The following DHRSX variants were observed in gnomAD, a reference collection of about 807,000 sequenced individuals.
The protein encoded by DHRSX is polyprenol dehydrogenase.
DHRSX carries 31 observed loss-of-function variants against 34.0 expected under a neutral mutation model. That is an observed-to-expected ratio of 0.91 (90% CI 0.69 to 1.23). The LOEUF (loss-of-function observed/expected upper bound fraction) is 1.23. DHRSX is among the 50% of genes most tolerant of loss of function. DHRSX has a pLI of 0.00. For synonymous variants in DHRSX, 201 were observed against 183.8 expected (o/e 1.09, Z -0.76); for missense variants, 414 against 428.1 (o/e 0.97, Z 0.29).
chrX:2,463,779 C>T (rs1481686728), intron 1 of DHRSX, among the ~76,000 whole-genome samples: 1 of 151,126 alleles, frequency 6.6e-6, no homozygotes, highest in Non-Finnish European at 1.5e-5. Context: ...AGGGATTCCA[C>T]ATGAGAGTCA....
At chrX:2,466,021 GCA>G (rs1424622070) in intron 1 of DHRSX, among the ~76,000 whole-genome samples, 1 of 152,086 alleles carries the variant, frequency 6.6e-6, no homozygotes, top group East Asian at 1.9e-4. Flanking sequence ...CTGCTTTTAT[GCA>G]CATTGTTACA....
rs192099183 is a variant in DHRSX at position 2,283,070 on chromosome X, G to A, written c.388+8432C>T. On this transcript the variant is annotated intron_variant, in intron 4 of 6. Transcript: ENST00000334651. ...AGAGACAGAGAGTTACAGAAAGAGA[G>A]AGAGAGAGGAGAAAAGCATTTGAGT... Among the ~76,000 whole-genome samples the A allele has an allele frequency of 2.9e-3, 441 of 152,090 alleles. 9 individuals carry two copies. The highest frequency in any genetic ancestry group is 4.8e-3 in the Admixed American group (74 of 15,268).
intron 6 of DHRSX, among the ~76,000 whole-genome samples, chrX:2,238,883 C>G (rs181493323): frequency 7.9e-5 from 12 of 152,184 alleles, no homozygotes; most frequent in Admixed American, 3.3e-4. Context: ...CGGCACCCAG[C>G]TGATCTTCCA....
Position 2,221,184 on chromosome X carries a change from G to A in DHRSX, c.850C>T (p.Pro284Ser). The change falls in exon 7 of 7, where the codon CCA becomes TCA. Residue 284 changes from proline (P) to serine (S), a missense_variant. Pro to Ser is a moderately conservative substitution (Grantham distance 74, BLOSUM62 -1). Coordinates refer to ENST00000334651, the MANE Select transcript of DHRSX (RefSeq NM_145177.3). The stretch of plus-strand genomic sequence containing the variant: ...TGGCCACCAACTCCTTCCAGCTCTG[G>A]GGTGACTGCTGCGTAGATGGAAGTC... The part of the protein sequence containing the change: ...AWTSIYAAVT[P>S]ELEGVGGHYL... 6.2e-7 allele frequency: 1 copy of A among 1,613,868 alleles called. No homozygotes were observed. The highest frequency in any genetic ancestry group is 8.5e-7 in the Non-Finnish European group (1 of 1,179,836).
chrX:2,469,495 C>G (rs1040785432), intron 1 of DHRSX, among the ~76,000 whole-genome samples: 1 of 149,998 alleles, frequency 6.7e-6, no homozygotes, highest in African/African-American at 2.5e-5. Context: ...GCTCCCTAAG[C>G]ATGTGGCTAA....
intron 3 of DHRSX, among the ~76,000 whole-genome samples, chrX:2,323,589 C>G (rs1161394552): frequency 2.6e-5 from 4 of 152,070 alleles, no homozygotes; most frequent in Non-Finnish European, 5.9e-5. Context: ...AGAGGAAGAT[C>G]CCATCTCTAC....
intron 5 of DHRSX, among the ~76,000 whole-genome samples, chrX:2,251,743 G>C (rs1047802242): frequency 6.6e-5 from 10 of 152,162 alleles, no homozygotes; most frequent in Non-Finnish European, 1.5e-4. Flanking sequence ...ATTTCAAACA[G>C]ACCTGAGGTT....
chrX:2,252,921 G>A lies in DHRSX; in HGVS notation c.597-9691C>T, dbSNP rs1323626555. ...GGTATTAGGCCGGGAGTGGTGGCTC[G>A]CGCATGTAATCTGAGCACTTAGGGG... On this transcript the variant is annotated intron_variant, in intron 5 of 6. Transcript: ENST00000334651. 2.7e-5 allele frequency among the ~76,000 whole-genome samples: 4 copies of A among 150,518 alleles called. No individual in the cohort carries two copies. The East Asian group carries it at 5.8e-4, about 22-fold the overall frequency.
chrX:2,297,119 T>A (rs1376328582), intron 3 of DHRSX, among the ~76,000 whole-genome samples: 2 of 152,000 alleles, frequency 1.3e-5, no homozygotes, highest in South Asian at 2.1e-4. Context: ...CTTTCCTTTT[T>A]AAAATTATTT....
chrX:2,287,955 A>C (rs1286757052), intron 4 of DHRSX, among the ~76,000 whole-genome samples: 1 of 152,170 alleles, frequency 6.6e-6, no homozygotes, highest in Non-Finnish European at 1.5e-5. Flanking sequence ...CCATGTCCTC[A>C]TCTCTGGAAC....
chrX:2,300,209 A>G (rs1297711557), intron 3 of DHRSX, among the ~76,000 whole-genome samples: 1 of 152,122 alleles, frequency 6.6e-6, no homozygotes, highest in East Asian at 1.9e-4. Flanking sequence ...TTTTCTTTGC[A>G]ATAGATATAG....
At chrX:2,246,754 G>GAAAGAA (rs2016307163) in intron 5 of DHRSX, among the ~76,000 whole-genome samples, 7 of 136,950 alleles carry the variant, frequency 5.1e-5, no homozygotes, top group African/African-American at 1.9e-4. Context: ...GAAAGAAAAA[G>GAAAGAA]AAAGAAAATA....
intron 1 of DHRSX, among the ~76,000 whole-genome samples, chrX:2,435,861 T>C (rs894231981): frequency 6.6e-6 from 1 of 152,238 alleles, no homozygotes; most frequent in African/African-American, 2.4e-5. Context: ...AAAAGTCCTA[T>C]CCTTCTTGAT....
chrX:2,234,477 C>A (rs1366912265), intron 6 of DHRSX, among the ~76,000 whole-genome samples: 11 of 152,210 alleles, frequency 7.2e-5, no homozygotes, highest in Non-Finnish European at 1.5e-4. Flanking sequence ...GCCTTCCAGG[C>A]ACAGAGCCCT....
intron 6 of DHRSX, among the ~76,000 whole-genome samples, chrX:2,238,213 C>A (rs1412257139): frequency 6.6e-6 from 1 of 152,054 alleles, no homozygotes; most frequent in Non-Finnish European, 1.5e-5. Flanking sequence ...AAAAATTAGC[C>A]AGGCATGCTG....
chrX:2,351,773 G>T (rs758672129), intron 3 of DHRSX, among the ~76,000 whole-genome samples: 6 of 152,222 alleles, frequency 3.9e-5, no homozygotes, highest in Non-Finnish European at 8.8e-5. Flanking sequence ...AGGCTGGAGT[G>T]CAGTGGCGCA....
intron 1 of DHRSX, among the ~76,000 whole-genome samples, chrX:2,495,496 G>A (rs1344091949): frequency 6.6e-6 from 1 of 152,116 alleles, no homozygotes; most frequent in African/African-American, 2.4e-5. Flanking sequence ...CTAACCAAGT[G>A]ACTCCTGGAA....
chrX:2,370,957 A>G (rs754394572), intron 3 of DHRSX, among the ~76,000 whole-genome samples: 38 of 152,172 alleles, frequency 2.5e-4, no homozygotes, highest in Admixed American at 2.4e-3. Context: ...TCCGAGCATC[A>G]CGTGCCTGTC....
chrX:2,393,527 C>T (rs1270769267), intron 3 of DHRSX, among the ~76,000 whole-genome samples: 1 of 150,220 alleles, frequency 6.7e-6, no homozygotes, highest in Admixed American at 6.6e-5. Flanking sequence ...CCTCCGCACA[C>T]ACGACACACA....
Sources: gnomAD v4.1 joint callset for allele counts (sites outside exome capture counted in the v4.1 genomes callset) on GRCh38, gnomAD v4.1.1 for gene constraint, MANE v1.5 for transcripts, NCBI Gene and HGNC (gene_info 2026-07-23, HGNC 2026-07-21) for gene names.